Variants in SLC24A4 observed in about 807,000 individuals in gnomAD.
SLC24A4 encodes solute carrier family 24 member 4.
A neutral mutation model predicts 79.0 loss-of-function variants in SLC24A4; 53 were observed. The observed-to-expected ratio is 0.67, with a 90% confidence interval of 0.54 to 0.84. SLC24A4 has a LOEUF of 0.84. Ranked by LOEUF, SLC24A4 falls within the 40% of genes least tolerant of loss-of-function variation. The pLI, the probability that SLC24A4 is intolerant of heterozygous loss-of-function variation, is 0.00. For synonymous variants in SLC24A4, 323 were observed against 323.8 expected (o/e 1.00, Z 0.03); for missense variants, 731 against 822.0 (o/e 0.89, Z 1.35).
rs1313035677 is a variant in SLC24A4, at chr14:92,393,830, G to A, written c.242-40082G>A. On this transcript the variant is annotated intron_variant, in intron 2 of 16. Transcript: ENST00000532405. Reference sequence around the variant, plus strand: ...CTTTGAGACCAGCCTGGCCAGCCTGGTGAAACCCTGTCTCTACTAAAAATA... The same window carrying A: ...CTTTGAGACCAGCCTGGCCAGCCTGATGAAACCCTGTCTCTACTAAAAATA... Among the ~76,000 whole-genome samples, 3 of 152,100 alleles carry A rather than the reference G, an allele frequency of 2.0e-5. No individual in the cohort carries two copies. In the East Asian group the frequency reaches 5.9e-4, roughly 30 times the overall value.
intron 2 of SLC24A4, among the ~76,000 whole-genome samples, chr14:92,351,204 CCT>C (rs1483746437): frequency 7.0e-6 from 1 of 142,124 alleles, no homozygotes; most frequent in African/African-American, 2.5e-5. Context: ...CTGAAATCTC[CCT>C]CTCTCTCTCT....
rs1884922183 is a variant in SLC24A4 at position 92,323,596 on chromosome 14, G to A, written c.-235G>A. 2.9e-5 allele frequency: 11 copies of A among 377,060 alleles called. No homozygotes were observed. The highest frequency in any genetic ancestry group is 5.1e-5 in the Non-Finnish European group (11 of 214,778). The allele number at this position is 377,060 out of a possible 1,614,324, so 23.4% of individuals were successfully genotyped here. ...CCTCCTCGCCACGGAGCCATGGTGC[G>A]CGCAGCGCGCACGCGGCGCGCGGGA... is the stretch of plus-strand genomic sequence containing the variant. On this transcript the variant is annotated 5_prime_UTR_variant, in exon 1 of 17. Coordinates refer to ENST00000532405, the MANE Select transcript of SLC24A4 (RefSeq NM_153646.4). The surrounding 1 kb of genome is among the most constrained non-coding windows in gnomAD (Gnocchi z 4.9).
chr14:92,447,445 C>T (rs777903850), intron 9 of SLC24A4, 21 bp downstream of exon 9: 3 of 1,612,202 alleles, frequency 1.9e-6, no homozygotes, highest in Non-Finnish European at 2.5e-6. Context: ...TTTCTCCTCC[C>T]CGGGGCTGCC....
intron 2 of SLC24A4, among the ~76,000 whole-genome samples, chr14:92,360,398 G>C (rs1024073302): frequency 4.6e-5 from 7 of 152,222 alleles, no homozygotes; most frequent in African/African-American, 1.7e-4. Flanking sequence ...ACTGTGCCTA[G>C]CCCTGTGTGT....
chr14:92,325,835 C>A, intron 1 of SLC24A4, 33 bp from the exon 2 acceptor site: 2 of 1,375,738 alleles, frequency 1.5e-6, no homozygotes, highest in Non-Finnish European at 2.1e-6. Flanking sequence ...TCACACTGAC[C>A]TAATGGTATC....
intron 2 of SLC24A4, among the ~76,000 whole-genome samples, chr14:92,366,484 G>T (rs1032948470): frequency 6.6e-6 from 1 of 152,224 alleles, no homozygotes; most frequent in African/African-American, 2.4e-5. Context: ...GGATGACCTT[G>T]CGTCCTGCAG....
intron 2 of SLC24A4, among the ~76,000 whole-genome samples, chr14:92,409,439 G>T (rs753417693): frequency 6.6e-6 from 1 of 152,248 alleles, no homozygotes; most frequent in Non-Finnish European, 1.5e-5. Flanking sequence ...TCCATTTGGA[G>T]CTGTGCAGCT....
rs144620088 is a variant in SLC24A4 at position 92,332,109 on chromosome 14, C to A, written c.241+6131C>A. 2.6e-5 allele frequency among the ~76,000 whole-genome samples: 4 copies of A among 151,968 alleles called. No individual in the cohort carries two copies. In the East Asian group the frequency reaches 7.7e-4, roughly 29 times the overall value. On this transcript the variant is annotated intron_variant, in intron 2 of 16. Transcript: ENST00000532405. ...GCCTGGCCAACATGCTGAAACCCCCCTCTCTACTAAAAATACAAAAAAATT... is the reference window on the plus strand; with the variant it reads ...GCCTGGCCAACATGCTGAAACCCCCATCTCTACTAAAAATACAAAAAAATT...
intron 2 of SLC24A4, among the ~76,000 whole-genome samples, chr14:92,331,533 T>C (rs1885479126): frequency 1.3e-5 from 2 of 152,224 alleles, no homozygotes; most frequent in African/African-American, 4.8e-5. Flanking sequence ...TCTGTCTGCC[T>C]TGGCCTCCCA....
At chr14:92,480,599 T>G (rs1247512634) in intron 12 of SLC24A4, among the ~76,000 whole-genome samples, 2 of 152,168 alleles carry the variant, frequency 1.3e-5, no homozygotes, top group Admixed American at 1.3e-4. Flanking sequence ...GGCCTTTCCC[T>G]TTTTTAATAT....
chr14:92,491,275 A>G (rs920737405), intron 14 of SLC24A4, among the ~76,000 whole-genome samples: 4 of 152,190 alleles, frequency 2.6e-5, no homozygotes, highest in Non-Finnish European at 4.4e-5. Flanking sequence ...TTAAATTTGA[A>G]TGAATTGATA....
At position 92,482,743 on chromosome 14, in the gene SLC24A4, C is replaced by T. The variant is rs764152950; in HGVS notation, c.1319C>T (p.Thr440Ile). ...CCCCTCATCTTCCTCCTGTGCGTCA[C>T]CATTCCCAACTGCAGCAAGCCCCGC... ...TWPLIFLLCV[T>I]IPNCSKPRWE... Residue 440 changes from threonine (T) to isoleucine (I), a missense_variant, in exon 13 of 17, where the codon ACC becomes ATC. By Grantham distance (89) the Thr-to-Ile change is moderately conservative. Coordinates refer to ENST00000532405, the MANE Select transcript of SLC24A4 (RefSeq NM_153646.4). 1 of 1,614,150 alleles carries T rather than the reference C, an allele frequency of 6.2e-7. No homozygotes were observed. Among genetic ancestry groups the T allele is most frequent in the South Asian group, 1.1e-5 (1 of 91,068 alleles).
chr14:92,414,767 G>T (rs190229679), intron 2 of SLC24A4, among the ~76,000 whole-genome samples: 1 of 152,216 alleles, frequency 6.6e-6, no homozygotes, highest in East Asian at 1.9e-4. Flanking sequence ...AAACAATCAC[G>T]TGGTTGCCAC....
rs181305904 is a variant in SLC24A4, at chr14:92,463,128, T to C, written c.1255+6520T>C. On this transcript the variant is annotated intron_variant, in intron 12 of 16. Transcript: ENST00000532405. ...TACCACCCAGCCTTCTCTTCTGTTA[T>C]TATAGCAAAACCCGGAACAGGCAAT... Among the ~76,000 whole-genome samples, 5 of 152,318 alleles carry C rather than the reference T, an allele frequency of 3.3e-5. No homozygotes were observed. In the East Asian group the frequency reaches 5.8e-4, roughly 18 times the overall value.
Position 92,439,487 on chromosome 14 carries a change from G to A in SLC24A4, c.393+78G>A, listed in dbSNP as rs559097547. The A allele has an allele frequency of 4.6e-6, 6 of 1,303,336 alleles. No homozygotes were observed. The African/African-American group carries it at 7.3e-5, about 16-fold the overall frequency. The allele number at this position is 1,303,336 out of a possible 1,614,324, so 80.7% of individuals were successfully genotyped here. ...CATAAATGCCAAGCCAAGAAGGCCA[G>A]GGCTGGCGTGGGGAGCATGCTGGTG... On this transcript the variant is annotated intron_variant, in intron 4 of 16. Transcript: ENST00000532405.
intron 2 of SLC24A4, among the ~76,000 whole-genome samples, chr14:92,334,103 C>T (rs571058851): frequency 6.6e-6 from 1 of 152,326 alleles, no homozygotes; most frequent in South Asian, 2.1e-4. Flanking sequence ...GGAATGATGC[C>T]TCAGTGGACT....
At chr14:92,427,576 G>A (rs189458077) in intron 2 of SLC24A4, among the ~76,000 whole-genome samples, 15 of 152,360 alleles carry the variant, frequency 9.8e-5, no homozygotes, top group African/African-American at 2.6e-4. Flanking sequence ...AGAGGATGGC[G>A]GCAGAGGGAC....
At chr14:92,473,200 A>G (rs1010171625) in intron 12 of SLC24A4, among the ~76,000 whole-genome samples, 2 of 152,232 alleles carry the variant, frequency 1.3e-5, no homozygotes, top group African/African-American at 2.4e-5. Flanking sequence ...GGCAAACAGT[A>G]TGCATTTGAG....
intron 2 of SLC24A4, among the ~76,000 whole-genome samples, chr14:92,351,466 A>G (rs1886863697): frequency 6.6e-6 from 1 of 152,188 alleles, no homozygotes; most frequent in South Asian, 2.1e-4. Flanking sequence ...CTATTGTTAC[A>G]TGAAAAAAAA....
Sources: allele counts gnomAD v4.1 joint callset (sites outside exome capture counted in the v4.1 genomes callset), GRCh38; gene constraint gnomAD v4.1.1; non-coding constraint Gnocchi (gnomAD v3.1); transcripts MANE v1.5; gene names NCBI Gene and HGNC (gene_info 2026-07-23, HGNC 2026-07-21).